Variants in FSTL4 observed in about 807,000 individuals in gnomAD.
FSTL4 encodes follistatin-related protein 4.
Under a neutral mutation model 78.2 loss-of-function variants are expected in FSTL4, and 28 were observed. The ratio of observed to expected loss-of-function variants is 0.36; its 90% CI spans 0.27 to 0.49. The LOEUF is 0.49. Among genes scored for constraint, FSTL4 ranks in the 20% least tolerant of loss-of-function variants. FSTL4 has a pLI of 0.98. For missense variants in FSTL4, 922 were observed against 1,084.9 expected (o/e 0.85, Z 2.11); for synonymous variants, 422 against 440.5 (o/e 0.96, Z 0.53).
In FSTL4 at chr5:133,388,477, T is replaced by TG. The variant is rs1163212335; in HGVS notation, c.409+12260dup. On this transcript the variant is annotated intron_variant, in intron 4 of 15. Transcript: ENST00000265342. ...GTTTTTTTTCCTTCCTACCAGACAG[T>TG]GTCTGAGACTCACCTTTGACACAAA... 2.6e-5 allele frequency: 4 copies of TG among 152,240 alleles called. No homozygotes were observed. The East Asian group carries it at 7.7e-4, about 29-fold the overall frequency. 9.4% of individuals were successfully genotyped at this position (152,240 alleles called of 1,614,324 possible).
intron 6 of FSTL4, among the ~76,000 whole-genome samples, chr5:133,259,205 A>G (rs4958111): frequency 0.64 from 95,317 of 148,114 alleles, 31,090 homozygotes; most frequent in East Asian, 0.84. Flanking sequence ...GGTGTGGCGG[A>G]AAGCCTCTTT....
At chr5:133,719,152 C>T in the FSTL4 span, among the ~76,000 whole-genome samples, 2 of 152,110 alleles carry the variant, frequency 1.3e-5, no homozygotes, top group Non-Finnish European at 2.9e-5. Flanking sequence ...TTCTTACTTA[C>T]AAATCCAATC....
intron 4 of FSTL4, among the ~76,000 whole-genome samples, chr5:133,394,783 G>A (rs771081676): frequency 1.3e-5 from 2 of 152,274 alleles, no homozygotes; most frequent in Non-Finnish European, 2.9e-5. Flanking sequence ...AGCCCGGTGA[G>A]GGATCCACTA....
At chr5:133,290,136 C>G (rs1446114109) in intron 6 of FSTL4, among the ~76,000 whole-genome samples, 1 of 152,154 alleles carries the variant, frequency 6.6e-6, no homozygotes, top group Non-Finnish European at 1.5e-5. Flanking sequence ...AGGGTGTGGC[C>G]CCTCGCAAAA....
chr5:133,209,075 T>C (rs1022412292), intron 14 of FSTL4, among the ~76,000 whole-genome samples: 3 of 152,230 alleles, frequency 2.0e-5, no homozygotes, highest in African/African-American at 7.2e-5. Flanking sequence ...TTTTTGTTGG[T>C]ATTTCTGGCA....
At chr5:133,606,701 TA>T (rs1760985696) in intron 1 of FSTL4, among the ~76,000 whole-genome samples, 1 of 152,238 alleles carries the variant, frequency 6.6e-6, no homozygotes, top group Non-Finnish European at 1.5e-5. Flanking sequence ...CTAGCTCACA[TA>T]AACGAAAAAC....
the FSTL4 span, among the ~76,000 whole-genome samples, chr5:133,819,076 A>G: frequency 2.0e-4 from 30 of 149,632 alleles, no homozygotes; most frequent in African/African-American, 6.7e-4. Flanking sequence ...AGCTTCCCCA[A>G]TCCTTTCTCA....
intron 3 of FSTL4, among the ~76,000 whole-genome samples, chr5:133,512,635 T>C (rs1758757529): frequency 1.3e-5 from 2 of 152,218 alleles, no homozygotes; most frequent in Non-Finnish European, 2.9e-5. Flanking sequence ...CTCTGCATCA[T>C]AAATTATGTA....
chr5:133,260,256 AAT>A (rs1752487280), intron 6 of FSTL4, among the ~76,000 whole-genome samples: 2 of 151,838 alleles, frequency 1.3e-5, no homozygotes, highest in African/African-American at 4.8e-5. Flanking sequence ...GCCCTCTCCA[AAT>A]GGGGGACTGT....
At chr5:133,525,874 T>C (rs532347048) in intron 3 of FSTL4, among the ~76,000 whole-genome samples, 2 of 152,294 alleles carry the variant, frequency 1.3e-5, no homozygotes, top group South Asian at 4.1e-4. Context: ...CATCAGCCAG[T>C]GGGAACTGTC....
intron 6 of FSTL4, among the ~76,000 whole-genome samples, chr5:133,270,397 ATT>A (rs1439631345): frequency 6.6e-6 from 1 of 152,198 alleles, no homozygotes; most frequent in East Asian, 1.9e-4. Flanking sequence ...TTATGCTATT[ATT>A]CTCTCTCTGT....
intron 6 of FSTL4, among the ~76,000 whole-genome samples, chr5:133,276,748 C>T (rs1561653515): frequency 6.6e-6 from 1 of 152,188 alleles, no homozygotes; most frequent in Non-Finnish European, 1.5e-5. Flanking sequence ...GAGATGCATA[C>T]CAAAGGCTTG....
the FSTL4 span, among the ~76,000 whole-genome samples, chr5:133,688,535 T>C: frequency 6.6e-6 from 1 of 152,242 alleles, no homozygotes; most frequent in Admixed American, 6.5e-5. Context: ...TGTCATTGAC[T>C]TGAAAATGCT....
chr5:133,806,248 T>C, the FSTL4 span, among the ~76,000 whole-genome samples: 1 of 152,090 alleles, frequency 6.6e-6, no homozygotes, highest in Non-Finnish European at 1.5e-5. Context: ...GTTAATTTGG[T>C]GGAGTAGACA....
chr5:133,221,621 G>A (rs1017801065), intron 11 of FSTL4, among the ~76,000 whole-genome samples: 2 of 152,126 alleles, frequency 1.3e-5, no homozygotes, highest in African/African-American at 4.8e-5. Flanking sequence ...CTTGTCTGAG[G>A]CCACCCGTCT....
intron 13 of FSTL4, among the ~76,000 whole-genome samples, chr5:133,212,123 C>T (rs779839311): frequency 6.6e-6 from 1 of 152,192 alleles, no homozygotes; most frequent in Non-Finnish European, 1.5e-5. Flanking sequence ...GGCTTTAGCA[C>T]CTGACACTGT....
chr5:133,840,755 C>G, the FSTL4 span, among the ~76,000 whole-genome samples: 4 of 152,212 alleles, frequency 2.6e-5, no homozygotes, highest in Non-Finnish European at 5.9e-5. Context: ...GGCAAGCACC[C>G]GTACTCCAAA....
intron 7 of FSTL4, among the ~76,000 whole-genome samples, chr5:133,239,976 G>T (rs568143199): frequency 6.6e-6 from 1 of 152,198 alleles, no homozygotes; most frequent in Non-Finnish European, 1.5e-5. Flanking sequence ...GCAGACCTCC[G>T]GAGTCAGAAG....
intron 3 of FSTL4, among the ~76,000 whole-genome samples, chr5:133,476,557 G>A (rs1030139940): frequency 6.6e-6 from 1 of 152,222 alleles, no homozygotes; most frequent in Non-Finnish European, 1.5e-5. Flanking sequence ...TTAGAGAGAA[G>A]TTGTTGTGGA....
Sources: allele counts gnomAD v4.1 joint callset (sites outside exome capture counted in the v4.1 genomes callset), GRCh38; gene constraint gnomAD v4.1.1; transcripts MANE v1.5; gene names NCBI Gene and HGNC (gene_info 2026-07-23, HGNC 2026-07-21).